PDK1: variants seen among roughly 807,000 people sequenced by gnomAD.
PDK1 encodes the protein [Pyruvate dehydrogenase (acetyl-transferring)] kinase isozyme 1, mitochondrial.
In PDK1, 39 loss-of-function variants were observed where a neutral mutation model predicts 54.2. The observed-to-expected ratio is 0.72, with a 90% CI of 0.56 to 0.94. The LOEUF (loss-of-function observed/expected upper bound fraction) is 0.94. Among genes scored for constraint, PDK1 ranks in the 40% least tolerant of loss-of-function variants. The pLI, the probability that PDK1 is intolerant of heterozygous loss-of-function variation, is 0.00. For missense variants in PDK1, 552 were observed against 566.0 expected, an observed-to-expected ratio of 0.98 and a Z score of 0.25; for synonymous variants, 221 against 207.1, an observed-to-expected ratio of 1.07 and a Z score of -0.58.
At chr2:172,715,380 G>T in the PDK1 span, among the ~76,000 whole-genome samples, 1 of 152,200 alleles carries the variant, frequency 6.6e-6, no homozygotes, top group South Asian at 2.1e-4. Flanking sequence ...TGCAAAGTGA[G>T]TCCCTTAAAA....
the PDK1 span, among the ~76,000 whole-genome samples, chr2:172,689,730 A>C: frequency 6.6e-6 from 1 of 152,042 alleles, no homozygotes; most frequent in Non-Finnish European, 1.5e-5. Flanking sequence ...GACAAACCTG[A>C]CAAAAACAAG....
At chr2:172,570,654 A>G (rs1689196645) in intron 7 of PDK1, 72 bp from the exon 8 acceptor site, 2 of 834,840 alleles carry the variant, frequency 2.4e-6, no homozygotes, top group Non-Finnish European at 4.0e-6. Flanking sequence ...CAAATAGTGC[A>G]TATGTACTTG....
At chr2:172,612,994 A>G (rs1416337429), downstream of PDK1, among the ~76,000 whole-genome samples, 1 of 152,190 alleles carries the variant, frequency 6.6e-6, no homozygotes, top group East Asian at 1.9e-4. Context: ...TTGCTACAGA[A>G]AAGTTGTGTC....
intron 5 of PDK1, 71 bp downstream of exon 5, chr2:172,565,144 A>G (rs1322883982): frequency 3.3e-5 from 30 of 899,186 alleles, no homozygotes; most frequent in Non-Finnish European, 5.5e-5. Flanking sequence ...TTACTATTAA[A>G]ACATCTATTT....
At chr2:172,562,194 A>G (rs1169609571) in intron 2 of PDK1, 26 bp from the exon 3 acceptor site, 2 of 1,290,746 alleles carry the variant, frequency 1.5e-6, no homozygotes, top group African/African-American at 2.9e-5. Flanking sequence ...AAAAGAACAA[A>G]CTTATCCTAT....
intron 8 of PDK1, among the ~76,000 whole-genome samples, chr2:172,572,238 C>A (rs1006783837): frequency 6.6e-6 from 1 of 152,144 alleles, no homozygotes; most frequent in Non-Finnish European, 1.5e-5. Flanking sequence ...GCCCAAGGGC[C>A]AGTTTCCCTA....
At chr2:172,632,441 A>G in the PDK1 span, among the ~76,000 whole-genome samples, 1 of 152,104 alleles carries the variant, frequency 6.6e-6, no homozygotes, top group East Asian at 1.9e-4. Context: ...AATTTTAGTG[A>G]GTTTTTTTGG....
chr2:172,724,010 AATATT>A, the PDK1 span: 1 of 152,342 alleles, frequency 6.6e-6, no homozygotes, highest in South Asian at 2.1e-4. Context: ...AATTTCCTGT[AATATT>A]ATATTATATC....
chr2:172,615,694 T>A, the PDK1 span, among the ~76,000 whole-genome samples: 2 of 152,036 alleles, frequency 1.3e-5, no homozygotes. Context: ...TTATGCAAAA[T>A]CATCTTTACA....
intron 2 of PDK1, 137 bp from the exon 3 acceptor site, chr2:172,562,083 A>C (rs2149199757): frequency 1.9e-6 from 1 of 535,354 alleles, no homozygotes; most frequent in Non-Finnish European, 3.3e-6. Context: ...TGTAAAAATT[A>C]TACTTCAACC....
the PDK1 span, among the ~76,000 whole-genome samples, chr2:172,622,101 ATATATTATGTGAGATATGTT>A: frequency 9.5e-3 from 1,304 of 136,668 alleles, 53 homozygotes; most frequent in African/African-American, 0.032. Flanking sequence ...TTTATATCTC[ATATATTATGTGAGATATGTT>A]TATATCTCAT....
intron 8 of PDK1, among the ~76,000 whole-genome samples, chr2:172,571,650 G>A (rs973259239): frequency 6.6e-5 from 10 of 152,040 alleles, no homozygotes; most frequent in African/African-American, 2.4e-4. Context: ...AGTATTACAG[G>A]TGTGAGCCAC....
upstream of PDK1, chr2:172,555,822 C>G (rs539032805): frequency 2.6e-4 from 62 of 234,494 alleles, no homozygotes; most frequent in African/African-American, 1.3e-3. Context: ...ACGGCCGACA[C>G]GCTCACCCCA....
At chr2:172,657,162 G>C in the PDK1 span, among the ~76,000 whole-genome samples, 1 of 151,944 alleles carries the variant, frequency 6.6e-6, no homozygotes, top group Non-Finnish European at 1.5e-5. Flanking sequence ...GATCTAAGAA[G>C]AATTGTTTTG....
chr2:172,683,421 T>C, the PDK1 span, among the ~76,000 whole-genome samples: 1 of 151,354 alleles, frequency 6.6e-6, no homozygotes, highest in South Asian at 2.1e-4. Flanking sequence ...ACAGGAAGCA[T>C]GGCACTGACA....
chr2:172,569,367 C>T (rs1366516545), intron 7 of PDK1, among the ~76,000 whole-genome samples: 2 of 152,070 alleles, frequency 1.3e-5, no homozygotes, highest in African/African-American at 2.4e-5. Flanking sequence ...TTGCTCTTTA[C>T]AACAAAATTT....
chr2:172,587,689 T>C (rs1196673492), intron 9 of PDK1, among the ~76,000 whole-genome samples: 3 of 152,202 alleles, frequency 2.0e-5, no homozygotes, highest in Admixed American at 2.0e-4. Context: ...TATTCACTTA[T>C]CTGGCCCCAC....
chr2:172,619,849 T>G, the PDK1 span, among the ~76,000 whole-genome samples: 60 of 152,320 alleles, frequency 3.9e-4, no homozygotes, highest in African/African-American at 1.4e-3. Flanking sequence ...TCTTAATGTT[T>G]TACATGAAGA....
chr2:172,679,893 G>C, the PDK1 span, among the ~76,000 whole-genome samples: 1 of 152,082 alleles, frequency 6.6e-6, no homozygotes, highest in Non-Finnish European at 1.5e-5. Context: ...TCTTCATTTA[G>C]AGCACACCTA....
Sources: gnomAD v4.1 joint callset for allele counts (sites outside exome capture counted in the v4.1 genomes callset) on GRCh38, gnomAD v4.1.1 for gene constraint, MANE v1.5 for transcripts, NCBI Gene and HGNC (gene_info 2026-07-23, HGNC 2026-07-21) for gene names.